ATP10D: variants seen among roughly 807,000 people sequenced by gnomAD.
The protein encoded by ATP10D is phospholipid-transporting ATPase VD.
ATP10D carries 89 observed loss-of-function variants against 144.8 expected under a neutral mutation model. That is an observed-to-expected ratio of 0.61 (90% confidence interval 0.52 to 0.73). The LOEUF is 0.73. ATP10D is among the 30% of genes least tolerant of loss of function. The pLI is 0.00. For missense variants in ATP10D, 1,603 were observed against 1,714.8 expected (o/e 0.93, Z 1.15); for synonymous variants, 571 against 615.1 (o/e 0.93, Z 1.06).
intron 1 of ATP10D, among the ~76,000 whole-genome samples, chr4:47,505,958 T>A (rs1164508699): frequency 6.6e-6 from 1 of 152,200 alleles, no homozygotes; most frequent in Non-Finnish European, 1.5e-5. Context: ...ATCCTGTATT[T>A]ACCTTTGGTA....
At chr4:47,561,825 G>A (rs779178420) in intron 14 of ATP10D, among the ~76,000 whole-genome samples, 15 of 152,102 alleles carry the variant, frequency 9.9e-5, no homozygotes, top group Non-Finnish European at 1.8e-4. Flanking sequence ...TGCTAAAGGC[G>A]GTCAAGTTTG....
chr4:47,566,018 T>C (rs1719623456), intron 15 of ATP10D, among the ~76,000 whole-genome samples: 1 of 152,212 alleles, frequency 6.6e-6, no homozygotes, highest in Admixed American at 6.5e-5. Flanking sequence ...TATTTAACTC[T>C]TTTCTTTCCA....
chr4:47,556,353 T>C (rs1718991436), intron 11 of ATP10D, among the ~76,000 whole-genome samples: 1 of 152,224 alleles, frequency 6.6e-6, no homozygotes, highest in Non-Finnish European at 1.5e-5. Context: ...TTTACAAGGC[T>C]TTGCCTAGGA....
At chr4:47,525,445 T>G in intron 4 of ATP10D, 112 bp from the exon 5 acceptor site, 3 of 750,062 alleles carry the variant, frequency 4.0e-6, no homozygotes, top group Non-Finnish European at 6.6e-6. Flanking sequence ...GATATGAACT[T>G]CATTGCAAAA....
In ATP10D at chr4:47,557,778, G is replaced by C. The variant is rs1719057287; in HGVS notation, c.1939G>C (p.Glu647Gln). 6.8e-6 allele frequency: 11 copies of C among 1,614,244 alleles called. No individual in the cohort carries two copies. Among genetic ancestry groups the C allele is most frequent in the Non-Finnish European group, 9.3e-6 (11 of 1,180,050 alleles). The change falls in exon 12 of 23, where the codon GAG becomes CAG. Residue 647 changes from glutamate to glutamine, a missense_variant. Physicochemically the swap from Glu to Gln is conservative, Grantham distance 29 (BLOSUM62 2). Transcript: ENST00000273859. Reference protein sequence around the residue: ...SSSPSLNSGKEPSSGVPNAFV... With the variant: ...SSSPSLNSGKQPSSGVPNAFV... ...TTCTCCATCGCTTAACAGTGGGAAA[G>C]AGCCATCTTCTGGAGTTCCAAACGC...
chr4:47,571,693 C>A (rs74768846), intron 16 of ATP10D, among the ~76,000 whole-genome samples: 3,118 of 152,074 alleles, frequency 0.021, 113 homozygotes, highest in African/African-American at 0.071. Context: ...GCTAGAGATA[C>A]ATAGGGTGGT....
intron 9 of ATP10D, among the ~76,000 whole-genome samples, chr4:47,542,480 A>C (rs888390664): frequency 6.6e-6 from 1 of 152,072 alleles, no homozygotes; most frequent in African/African-American, 2.4e-5. Context: ...TTGTAACTTT[A>C]CTGGTCTATT....
At chr4:47,580,330 C>T in intron 19 of ATP10D, 68 bp from the exon 20 acceptor site, 1 of 1,221,536 alleles carries the variant, frequency 8.2e-7, no homozygotes, top group African/African-American at 1.5e-5. Flanking sequence ...TAAGTACTGG[C>T]TTGTGTTGTT....
At chr4:47,564,331 G>GT (rs529281237) in intron 15 of ATP10D, among the ~76,000 whole-genome samples, 5,703 of 146,668 alleles carry the variant, frequency 0.039, 332 homozygotes, top group African/African-American at 0.13. Context: ...TTAGAAGAAA[G>GT]TTTTTTTTTT....
chr4:47,530,541 C>T (rs1230137744), intron 5 of ATP10D, among the ~76,000 whole-genome samples: 1 of 152,128 alleles, frequency 6.6e-6, no homozygotes, highest in Non-Finnish European at 1.5e-5. Context: ...ACTGCAACCT[C>T]CACCTCCTGG....
At chr4:47,567,809 A>ATCTACTTCTTCCTTGCT (rs1719723599) in intron 15 of ATP10D, among the ~76,000 whole-genome samples, 1 of 152,208 alleles carries the variant, frequency 6.6e-6, no homozygotes, top group African/African-American at 2.4e-5. Flanking sequence ...ACATGTCCAT[A>ATCTACTTCTTCCTTGCT]TCTACTTCTT....
intron 2 of ATP10D, 88 bp from the exon 3 acceptor site, chr4:47,515,388 C>T (rs1301921638): frequency 9.5e-7 from 1 of 1,049,338 alleles, no homozygotes; most frequent in Non-Finnish European, 1.4e-6. Context: ...CTAATAGAAA[C>T]TTACAGAAAA....
At chr4:47,493,717 C>G (rs947580476) in intron 1 of ATP10D, among the ~76,000 whole-genome samples, 1 of 152,154 alleles carries the variant, frequency 6.6e-6, no homozygotes, top group Non-Finnish European at 1.5e-5. Flanking sequence ...ATCAGTATCA[C>G]TTGAGCTTGT....
At chr4:47,570,050 G>T (rs1367625038) in intron 16 of ATP10D, among the ~76,000 whole-genome samples, 2 of 152,190 alleles carry the variant, frequency 1.3e-5, no homozygotes, top group African/African-American at 2.4e-5. Flanking sequence ...TTGAGCTGGA[G>T]TGGGACATGA....
intron 5 of ATP10D, among the ~76,000 whole-genome samples, chr4:47,527,232 G>C (rs1717295996): frequency 6.6e-6 from 1 of 152,002 alleles, no homozygotes; most frequent in South Asian, 2.1e-4. Flanking sequence ...AAACAGTACT[G>C]CAACAATGGG....
At chr4:47,539,059 T>C (rs1022111483) in intron 9 of ATP10D, among the ~76,000 whole-genome samples, 30 of 152,202 alleles carry the variant, frequency 2.0e-4, no homozygotes, top group Non-Finnish European at 2.9e-4. Flanking sequence ...GGGACAGGAC[T>C]ATTCAGGGCC....
chr4:47,573,955 A>C (rs1560453501), intron 18 of ATP10D, among the ~76,000 whole-genome samples: 1 of 152,126 alleles, frequency 6.6e-6, no homozygotes, highest in Non-Finnish European at 1.5e-5. Context: ...GAATTAGTGC[A>C]GTTAGTCAAA....
At chr4:47,499,781 T>C (rs1457327696) in intron 1 of ATP10D, among the ~76,000 whole-genome samples, 1 of 152,228 alleles carries the variant, frequency 6.6e-6, no homozygotes, top group Non-Finnish European at 1.5e-5. Context: ...TTAAAAAGGT[T>C]ACTCAGAATA....
chr4:47,495,921 G>C (rs1294874905), intron 1 of ATP10D, among the ~76,000 whole-genome samples: 5 of 151,906 alleles, frequency 3.3e-5, no homozygotes, highest in Non-Finnish European at 7.4e-5. Flanking sequence ...ATTTTTAGTA[G>C]AGATGGGGTT....
Sources: gnomAD v4.1 joint callset for allele counts (sites outside exome capture counted in the v4.1 genomes callset) on GRCh38, gnomAD v4.1.1 for gene constraint, MANE v1.5 for transcripts, NCBI Gene and HGNC (gene_info 2026-07-23, HGNC 2026-07-21) for gene names.